Variants in ALDH1A3 observed in about 807,000 individuals in gnomAD.
ALDH1A3 encodes retinaldehyde dehydrogenase 3.
A neutral mutation model predicts 57.5 loss-of-function variants in ALDH1A3; 28 were observed. The ratio of observed to expected loss-of-function variants is 0.49; its 90% CI spans 0.36 to 0.67. ALDH1A3 has a LOEUF of 0.67. Among genes scored for constraint, ALDH1A3 ranks in the 30% least tolerant of loss-of-function variants. ALDH1A3 has a pLI of 0.00. For missense variants in ALDH1A3, 507 were observed against 669.4 expected (o/e 0.76, Z 2.68); for synonymous variants, 281 against 264.8 (o/e 1.06, Z -0.59).
chr15:100,899,415 A>G (rs1019933099), intron 8 of ALDH1A3, among the ~76,000 whole-genome samples: 2 of 152,220 alleles, frequency 1.3e-5, no homozygotes, highest in Admixed American at 6.5e-5. Context: ...AACTGCAGCT[A>G]AAGCACAGGA....
intron 11 of ALDH1A3, among the ~76,000 whole-genome samples, chr15:100,907,889 C>G (rs2041841620): frequency 8.1e-6 from 1 of 123,550 alleles, no homozygotes; most frequent in Non-Finnish European, 1.6e-5. Context: ...TGCTCTTTCC[C>G]CCAGGCAGGA....
Position 100,908,687 on chromosome 15 carries a change from G to GC in ALDH1A3, c.1466+211dup, listed in dbSNP as rs1168697747. Among the ~76,000 whole-genome samples the GC allele has an allele frequency of 3.9e-5, 6 of 152,084 alleles. No homozygotes were observed. The East Asian group carries it at 9.7e-4, about 24-fold the overall frequency. ...CCCTTCCCACTTACATCCTCAGCCT[G>GC]CCCCCCTCCAGGCCTCGGCTTTTGT... On this transcript the variant is annotated intron_variant, in intron 12 of 12. Transcript: ENST00000329841.
Position 100,896,763 on chromosome 15 carries a change from A to T in ALDH1A3, c.780+717A>T, listed in dbSNP as rs143605475. ...GCTTCAGGGACATATTTTCAAGGAT[A>T]TTATATTCATTCTCTGGAATGTTTT... On this transcript the variant is annotated intron_variant, in intron 7 of 12. Coordinates refer to ENST00000329841, the MANE Select transcript of ALDH1A3 (RefSeq NM_000693.4). Among the ~76,000 whole-genome samples the T allele has an allele frequency of 3.8e-3, 583 of 152,330 alleles. 12 individuals are homozygous for T. Among genetic ancestry groups the T allele is most frequent in the East Asian group, 0.023 (120 of 5,184 alleles).
At chr15:100,895,601 G>A in intron 6 of ALDH1A3, 1 of 346,042 alleles carries the variant, frequency 2.9e-6, no homozygotes, top group Non-Finnish European at 5.5e-6. Context: ...CACCCCACAT[G>A]GAAAGGTGCT....
chr15:100,892,234 C>T, intron 3 of ALDH1A3: 2 of 398,294 alleles, frequency 5.0e-6, no homozygotes, highest in South Asian at 5.7e-5. Flanking sequence ...TCCGCCTGGC[C>T]TCCAAGGGGC....
rs1228453958 is a variant in ALDH1A3 at position 100,879,871 on chromosome 15, G to A, written c.-37G>A. 3.0e-6 allele frequency: 4 copies of A among 1,345,256 alleles called. No individual in the cohort carries two copies. The African/African-American group carries it at 6.1e-5, about 20-fold the overall frequency. The allele number at this position is 1,345,256 out of a possible 1,614,324, so 83.3% of individuals were successfully genotyped here. A position where few individuals can be genotyped will look rare whatever the true frequency, so the allele number is the denominator to read the frequency against. On this transcript the variant is annotated 5_prime_UTR_variant, in exon 1 of 13. Transcript: ENST00000329841. ...GTCCGGGCCGAGCCGGTGCGCCGCA[G>A]ACTAGGGCGCCTCGGGCCAGGGAGC... is the stretch of plus-strand genomic sequence containing the variant.
rs2041924553 is a variant in ALDH1A3 at position 100,915,691 on chromosome 15, G to A, written c.*918G>A. The A allele has an allele frequency of 6.6e-6, 1 of 152,228 alleles. No homozygotes were observed. The highest frequency in any genetic ancestry group is 2.4e-5 in the African/African-American group (1 of 41,454). The allele number at this position is 152,228 out of a possible 1,614,324, so 9.4% of individuals were successfully genotyped here. ...CACTAACAGCTTATGATAAGTCTGT[G>A]TAGTCTTCCTTTTCTCCAGTTCTGT... On this transcript the variant is annotated 3_prime_UTR_variant, in exon 13 of 13. Transcript: ENST00000329841.
At chr15:100,911,655 G>C (rs550393253) in intron 12 of ALDH1A3, among the ~76,000 whole-genome samples, 1 of 152,338 alleles carries the variant, frequency 6.6e-6, no homozygotes, top group South Asian at 2.1e-4. Context: ...CAGGAGTAAG[G>C]CTGGGCTCCT....
At chr15:100,883,481 A>G (rs1239797948) in intron 1 of ALDH1A3, among the ~76,000 whole-genome samples, 5 of 152,160 alleles carry the variant, frequency 3.3e-5, no homozygotes, top group Admixed American at 1.3e-4. Context: ...AGCTTCCAGA[A>G]GCCAGACAGG....
chr15:100,904,673 T>C (rs918184729), intron 9 of ALDH1A3, among the ~76,000 whole-genome samples: 6 of 152,178 alleles, frequency 3.9e-5, no homozygotes, highest in Non-Finnish European at 7.4e-5. Flanking sequence ...GCATTTTCCC[T>C]CTTGAGCAGT....
At chr15:100,902,809 G>T (rs968719918) in intron 9 of ALDH1A3, among the ~76,000 whole-genome samples, 1 of 152,244 alleles carries the variant, frequency 6.6e-6, no homozygotes, top group Non-Finnish European at 1.5e-5. Flanking sequence ...TCTCCAGGGA[G>T]TGTGGAGTTT....
At chr15:100,899,700 A>G (rs887471209) in intron 8 of ALDH1A3, among the ~76,000 whole-genome samples, 10 of 152,180 alleles carry the variant, frequency 6.6e-5, no homozygotes, top group Non-Finnish European at 1.0e-4. Context: ...TCAAGGGTGC[A>G]GAGAGGTACC....
intron 6 of ALDH1A3, chr15:100,895,052 G>T (rs12905372): frequency 0.14 from 21,945 of 152,186 alleles, 2,213 homozygotes; most frequent in East Asian, 0.49. Context: ...CGTGAACGAG[G>T]TGGCAGTCCC....
In ALDH1A3 at chr15:100,915,061, G is replaced by A. The variant is rs916568955; in HGVS notation, c.*288G>A. 4.8e-6 allele frequency: 2 copies of A among 414,076 alleles called. No homozygotes were observed. The highest frequency in any genetic ancestry group is 4.0e-5 in the African/African-American group (2 of 50,066). The allele number at this position is 414,076 out of a possible 1,614,324, so 25.7% of individuals were successfully genotyped here. ...ATCCTGGAGACAGTGAGATACTCAG[G>A]GCGTTGTTAACAGGGAGTGGTATTT... On this transcript the variant is annotated 3_prime_UTR_variant, in exon 13 of 13. Coordinates refer to ENST00000329841, the MANE Select transcript of ALDH1A3 (RefSeq NM_000693.4).
intron 9 of ALDH1A3, among the ~76,000 whole-genome samples, chr15:100,902,072 C>T (rs1373736725): frequency 6.6e-6 from 1 of 152,202 alleles, no homozygotes; most frequent in Non-Finnish European, 1.5e-5. Flanking sequence ...ATTGAATCCG[C>T]CGTGAGTTTT....
rs1012659590 is a variant in ALDH1A3, at chr15:100,916,284, T to G, written c.*1511T>G. 1 of 152,314 alleles carries G rather than the reference T, an allele frequency of 6.6e-6. No individual in the cohort carries two copies. Among genetic ancestry groups the G allele is most frequent in the Admixed American group, 6.5e-5 (1 of 15,290 alleles). 9.4% of individuals were successfully genotyped at this position (152,314 alleles called of 1,614,324 possible). On this transcript the variant is annotated 3_prime_UTR_variant, in exon 13 of 13. Transcript: ENST00000329841. ...GCTTCATACACTGAATTTTCAGTAT[T>G]TTATCTCAAGTAGATATAGACACTA...
chr15:100,894,180 G>C lies in ALDH1A3; in HGVS notation c.666+98G>C, dbSNP rs571359811. On this transcript the variant is annotated intron_variant, in intron 6 of 12. Coordinates refer to ENST00000329841, the MANE Select transcript of ALDH1A3 (RefSeq NM_000693.4). This position sits in a 1 kb window ranked among gnomAD's most constrained non-coding sequence, Gnocchi z 4.5. ...CGAGATGGGACAGTGGCAGACTGCT[G>C]GCAATCGAGTGGGAAGGGAATGACT... The C allele has an allele frequency of 3.2e-5, 47 of 1,454,318 alleles. No homozygotes were observed. The African/African-American group carries it at 6.3e-4, about 20-fold the overall frequency. 90.1% of individuals were successfully genotyped at this position (1,454,318 alleles called of 1,614,324 possible).
chr15:100,880,042 G>T (rs1224528170), intron 1 of ALDH1A3, 36 bp downstream of exon 1: 51 of 1,401,380 alleles, frequency 3.6e-5, no homozygotes, highest in Non-Finnish European at 4.6e-5. Flanking sequence ...ACGGCCGCGG[G>T]CCCCTGCGCT....
At chr15:100,896,416 A>G (rs967157385) in intron 7 of ALDH1A3, among the ~76,000 whole-genome samples, 4 of 139,932 alleles carry the variant, frequency 2.9e-5, no homozygotes, top group African/African-American at 1.2e-4. Flanking sequence ...CAAGTCAATG[A>G]AAAAAAAAAA....
Sources: gnomAD v4.1 joint callset for allele counts (sites outside exome capture counted in the v4.1 genomes callset) on GRCh38, gnomAD v4.1.1 for gene constraint, Gnocchi (gnomAD v3.1) non-coding constraint, MANE v1.5 for transcripts, NCBI Gene and HGNC (gene_info 2026-07-23, HGNC 2026-07-21) for gene names.